HCN1: variants seen among roughly 807,000 people sequenced by gnomAD.
The protein encoded by HCN1 is potassium/sodium hyperpolarization-activated cyclic nucleotide-gated channel 1.
Under a neutral mutation model 78.9 loss-of-function variants are expected in HCN1, and 13 were observed. The observed-to-expected ratio is 0.16, with a 90% CI of 0.11 to 0.26. The LOEUF is 0.26. Among genes scored for constraint, HCN1 ranks in the 10% least tolerant of loss-of-function variants. HCN1 has a pLI of 1.00. For synonymous variants in HCN1, 552 were observed against 455.5 expected (o/e 1.21, Z -2.70); for missense variants, 810 against 1,154.3 (o/e 0.70, Z 4.32).
chr5:45,541,423 G>A (rs1743106177), intron 2 of HCN1, among the ~76,000 whole-genome samples: 1 of 152,006 alleles, frequency 6.6e-6, no homozygotes, highest in Non-Finnish European at 1.5e-5. Flanking sequence ...AACCTACCTG[G>A]CCTCAAATCT....
At chr5:45,658,438 A>G (rs372211796) in intron 1 of HCN1, among the ~76,000 whole-genome samples, 1 of 152,166 alleles carries the variant, frequency 6.6e-6, no homozygotes, top group East Asian at 1.9e-4. Context: ...AACTACCATC[A>G]GAGGGGGAGG....
intron 1 of HCN1, among the ~76,000 whole-genome samples, chr5:45,687,972 TTC>T (rs1739839979): frequency 6.6e-6 from 1 of 152,174 alleles, no homozygotes; most frequent in Admixed American, 6.6e-5. Context: ...CCTTATTTAA[TTC>T]TGTTTTCAGT....
At chr5:45,523,612 G>A (rs1388664921) in intron 2 of HCN1, among the ~76,000 whole-genome samples, 2 of 152,124 alleles carry the variant, frequency 1.3e-5, no homozygotes, top group African/African-American at 4.8e-5. Flanking sequence ...GATGGCCAGT[G>A]ATGGTGAGCA....
intron 2 of HCN1, among the ~76,000 whole-genome samples, chr5:45,506,570 A>G (rs1206723119): frequency 2.6e-5 from 4 of 152,156 alleles, no homozygotes; most frequent in Non-Finnish European, 4.4e-5. Flanking sequence ...ATAAAAATAA[A>G]AAATGAAAAA....
chr5:45,470,995 T>C (rs764300146), intron 2 of HCN1, among the ~76,000 whole-genome samples: 81 of 151,890 alleles, frequency 5.3e-4, no homozygotes, highest in Non-Finnish European at 9.3e-4. Context: ...GTTAGAAGAG[T>C]AGGTACATGT....
chr5:45,574,036 C>A (rs1254106027), intron 2 of HCN1, among the ~76,000 whole-genome samples: 2 of 151,840 alleles, frequency 1.3e-5, no homozygotes, highest in African/African-American at 4.8e-5. Flanking sequence ...ATGTAATGTG[C>A]CCATTGAATA....
chr5:45,297,052 TCA>T (rs935100835), intron 6 of HCN1, among the ~76,000 whole-genome samples: 4 of 152,002 alleles, frequency 2.6e-5, no homozygotes, highest in Non-Finnish European at 4.4e-5. Context: ...ATCAGAGGTC[TCA>T]CAGCCTTCAG....
At chr5:45,382,548 T>G (rs1387150037) in intron 4 of HCN1, among the ~76,000 whole-genome samples, 1 of 152,166 alleles carries the variant, frequency 6.6e-6, no homozygotes, top group Non-Finnish European at 1.5e-5. Flanking sequence ...TCTTTTAAAT[T>G]TTTGACTTAC....
chr5:45,632,369 T>C (rs1423338486), intron 2 of HCN1, among the ~76,000 whole-genome samples: 1 of 151,966 alleles, frequency 6.6e-6, no homozygotes. Flanking sequence ...CTAATAGATA[T>C]TTTGCTGACA....
At position 45,262,374 on chromosome 5, in the gene HCN1, C is replaced by A; in HGVS notation, c.2220G>T (p.Gln740His). Residue 740 changes from glutamine to histidine, a missense_variant, in exon 8 of 8, where the codon CAG becomes CAT. Physicochemically the swap from Gln to His is conservative, Grantham distance 24. Coordinates refer to ENST00000303230, the MANE Select transcript of HCN1 (RefSeq NM_021072.4). The stretch of plus-strand genomic sequence containing the variant: ...GTGGCTGAGTCTGCGGCGGCTGGGA[C>A]TGCTGTACCTGCTGCTGCGGCTGCT... Reference protein sequence around the residue: ...MQQQPQQQVQQSQPPQTQPQQ... With the variant: ...MQQQPQQQVQHSQPPQTQPQQ... 6.2e-7 allele frequency: 1 copy of A among 1,611,452 alleles called. No homozygotes were observed. The highest frequency in any genetic ancestry group is 1.1e-5 in the South Asian group (1 of 91,022).
At chr5:45,645,016 T>C (rs941094166) in intron 2 of HCN1, 169 bp downstream of exon 2, 5 of 564,848 alleles carry the variant, frequency 8.9e-6, no homozygotes, top group East Asian at 5.7e-5. Flanking sequence ...TTTGATCATA[T>C]ATTTTAGGGA....
intron 3 of HCN1, among the ~76,000 whole-genome samples, chr5:45,421,696 C>A (rs1168321535): frequency 1.3e-5 from 2 of 152,058 alleles, no homozygotes; most frequent in Non-Finnish European, 2.9e-5. Context: ...GCTATCTTAA[C>A]CAGTTTGGGT....
At chr5:45,579,407 C>G (rs576989923) in intron 2 of HCN1, among the ~76,000 whole-genome samples, 2 of 152,144 alleles carry the variant, frequency 1.3e-5, no homozygotes, top group South Asian at 4.2e-4. Flanking sequence ...AATCTCCATG[C>G]CTTGTCTCTT....
At chr5:45,305,158 G>A (rs1257987589) in intron 5 of HCN1, among the ~76,000 whole-genome samples, 1 of 152,136 alleles carries the variant, frequency 6.6e-6, no homozygotes, top group Non-Finnish European at 1.5e-5. Context: ...AACAGAGTCT[G>A]AGAACTCTAT....
At chr5:45,314,686 A>G (rs1464245632) in intron 5 of HCN1, among the ~76,000 whole-genome samples, 1 of 152,176 alleles carries the variant, frequency 6.6e-6, no homozygotes, top group African/African-American at 2.4e-5. Context: ...ACATGCAGAG[A>G]CACACAGGCT....
chr5:45,545,407 T>C (rs1459820344), intron 2 of HCN1, among the ~76,000 whole-genome samples: 1 of 152,092 alleles, frequency 6.6e-6, no homozygotes, highest in Non-Finnish European at 1.5e-5. Context: ...TGCCTGTTCA[T>C]TCTGATGTTA....
chr5:45,255,993 T>C lies in HCN1; in HGVS notation c.*5928A>G, dbSNP rs1744603782. ...GGTCCTCTTTTGAAGAATTATTATA[T>C]TTACTAATTTATTCAGATTTCTTCA... On this transcript the variant is annotated 3_prime_UTR_variant, in exon 8 of 8. Transcript: ENST00000303230. The C allele has an allele frequency of 6.6e-6, 1 of 152,232 alleles. No homozygotes were observed. Among genetic ancestry groups the C allele is most frequent in the Admixed American group, 6.5e-5 (1 of 15,282 alleles). The allele number at this position is 152,232 out of a possible 1,614,324, so 9.4% of individuals were successfully genotyped here. A position where few individuals can be genotyped will look rare whatever the true frequency, so the allele number is the denominator to read the frequency against.
intron 2 of HCN1, among the ~76,000 whole-genome samples, chr5:45,537,403 T>A (rs201246646): frequency 6.2e-5 from 1 of 16,186 alleles, no homozygotes; most frequent in Non-Finnish European, 1.9e-4. Flanking sequence ...TTTTTTTTTG[T>A]TTTTTTTTAA....
Position 45,373,831 on chromosome 5 carries a change from T to C in HCN1, c.1231-20585A>G, listed in dbSNP as rs866087224. Among the ~76,000 whole-genome samples the C allele has an allele frequency of 6.7e-4, 87 of 130,056 alleles. 1 individual carries two copies. Among genetic ancestry groups the C allele is most frequent in the South Asian group, 4.7e-3 (20 of 4,224 alleles). 85.3% of individuals were successfully genotyped at this position (130,056 alleles called of 152,430 possible). A position where few individuals can be genotyped will look rare whatever the true frequency, so the allele number is the denominator to read the frequency against. On this transcript the variant is annotated intron_variant, in intron 4 of 7. Coordinates refer to ENST00000303230, the MANE Select transcript of HCN1 (RefSeq NM_021072.4). The stretch of plus-strand genomic sequence containing the variant: ...TATATTACATACGGTATATACGTCA[T>C]CTATAATATATTACATACGGTATAT...
Sources: allele counts gnomAD v4.1 joint callset (sites outside exome capture counted in the v4.1 genomes callset), GRCh38; gene constraint gnomAD v4.1.1; transcripts MANE v1.5; gene names NCBI Gene and HGNC (gene_info 2026-07-23, HGNC 2026-07-21).